The following CSMD3 variants were observed in gnomAD, a reference collection of about 807,000 sequenced individuals.
The protein encoded by CSMD3 is CUB and sushi domain-containing protein 3.
CSMD3 carries 177 observed loss-of-function variants against 435.2 expected under a neutral mutation model. The ratio of observed to expected loss-of-function variants is 0.41; its 90% CI spans 0.36 to 0.46. The LOEUF (loss-of-function observed/expected upper bound fraction) is 0.46, where lower values mean the gene tolerates loss of function less well. Ranked by LOEUF, CSMD3 falls within the 20% of genes least tolerant of loss-of-function variation. The pLI, the probability that CSMD3 is intolerant of heterozygous loss-of-function variation, is 0.34. For synonymous variants in CSMD3, 1,656 were observed against 1,520.5 expected (o/e 1.09, Z -2.07); for missense variants, 4,265 against 4,504.6 (o/e 0.95, Z 1.52).
intron 14 of CSMD3, among the ~76,000 whole-genome samples, chr8:112,688,085 C>T (rs2076051334): frequency 6.6e-6 from 1 of 152,136 alleles, no homozygotes. Flanking sequence ...AGCTGGAAGG[C>T]AGCCATGCAC....
chr8:112,870,693 A>G (rs747925863), intron 10 of CSMD3, among the ~76,000 whole-genome samples: 7 of 152,214 alleles, frequency 4.6e-5, no homozygotes, highest in Non-Finnish European at 1.0e-4. Flanking sequence ...GATAGTTTTT[A>G]TTCTGAAAAA....
chr8:112,787,559 G>A (rs1242513446), intron 13 of CSMD3, among the ~76,000 whole-genome samples: 1 of 152,050 alleles, frequency 6.6e-6, no homozygotes, highest in Non-Finnish European at 1.5e-5. Context: ...ACAGATGAAG[G>A]GATAAAAAAA....
At chr8:112,619,870 A>C (rs1197952832) in intron 22 of CSMD3, among the ~76,000 whole-genome samples, 1 of 152,154 alleles carries the variant, frequency 6.6e-6, no homozygotes, top group African/African-American at 2.4e-5. Flanking sequence ...TAATAGTGAG[A>C]CATTAAGATA....
chr8:112,346,347 C>G, intron 40 of CSMD3, 134 bp from the exon 41 acceptor site: 1 of 703,070 alleles, frequency 1.4e-6, no homozygotes, highest in Admixed American at 2.0e-5. Flanking sequence ...TGTCTGTTCA[C>G]TCACTATACA....
At chr8:112,911,575 A>T (rs949288653) in intron 10 of CSMD3, among the ~76,000 whole-genome samples, 5 of 151,512 alleles carry the variant, frequency 3.3e-5, no homozygotes, top group African/African-American at 1.2e-4. Context: ...GTTGTCACAT[A>T]TAATAACATT....
At chr8:112,357,386 A>G (rs1826720221) in intron 38 of CSMD3, among the ~76,000 whole-genome samples, 1 of 152,228 alleles carries the variant, frequency 6.6e-6, no homozygotes, top group Non-Finnish European at 1.5e-5. Context: ...TTATAAGGGA[A>G]GCAGAGTATA....
At chr8:112,774,284 T>C (rs1587252006) in intron 13 of CSMD3, among the ~76,000 whole-genome samples, 1 of 151,988 alleles carries the variant, frequency 6.6e-6, no homozygotes, top group East Asian at 1.9e-4. Context: ...TCTATCAAAA[T>C]TTATATTTCA....
intron 3 of CSMD3, among the ~76,000 whole-genome samples, chr8:113,211,459 C>G (rs1189319068): frequency 6.6e-6 from 1 of 151,982 alleles, no homozygotes; most frequent in Non-Finnish European, 1.5e-5. Context: ...AAGCACCCAA[C>G]AAAATGGATC....
In CSMD3 at chr8:112,772,994, G is replaced by A. The variant is rs150577909; in HGVS notation, c.1972+27168C>T. On this transcript the variant is annotated intron_variant, in intron 13 of 70. Coordinates refer to ENST00000297405, the MANE Select transcript of CSMD3 (RefSeq NM_198123.2). ...TAAATACTAAGGGAACTCAGAGGCC[G>A]GTCCCAGCACAGGTCCTCCACATGC... Among the ~76,000 whole-genome samples, 1,379 of 151,988 alleles carry A rather than the reference G, an allele frequency of 9.1e-3. 18 individuals are homozygous for A. The highest frequency in any genetic ancestry group is 0.031 in the African/African-American group (1,300 of 41,466).
chr8:112,373,844 G>A (rs1828687299), intron 38 of CSMD3, among the ~76,000 whole-genome samples: 2 of 152,068 alleles, frequency 1.3e-5, no homozygotes, highest in African/African-American at 4.8e-5. Flanking sequence ...GGAGTTTCTG[G>A]GAGTAATAGT....
At chr8:113,404,873 G>A (rs752555689) in intron 1 of CSMD3, among the ~76,000 whole-genome samples, 1 of 151,408 alleles carries the variant, frequency 6.6e-6, no homozygotes, top group African/African-American at 2.4e-5. Context: ...GAAACAAAGT[G>A]ACACTTGTTT....
intron 3 of CSMD3, among the ~76,000 whole-genome samples, chr8:113,257,420 T>C (rs1471948020): frequency 6.6e-6 from 1 of 151,784 alleles, no homozygotes; most frequent in African/African-American, 2.4e-5. Context: ...CAAAAACAAA[T>C]AAATAAATAA....
chr8:113,097,221 A>T (rs2090191374), intron 5 of CSMD3, among the ~76,000 whole-genome samples: 1 of 152,096 alleles, frequency 6.6e-6, no homozygotes, highest in Non-Finnish European at 1.5e-5. Flanking sequence ...GGAGAGTTGG[A>T]TTAGATGCTC....
chr8:113,260,469 G>A (rs1333347850), intron 3 of CSMD3, among the ~76,000 whole-genome samples: 2 of 152,192 alleles, frequency 1.3e-5, no homozygotes, highest in South Asian at 2.1e-4. Flanking sequence ...TGTGGAAATT[G>A]AGGCTCTGGG....
chr8:112,312,086 T>C (rs1325781249), intron 49 of CSMD3, among the ~76,000 whole-genome samples: 2 of 152,214 alleles, frequency 1.3e-5, no homozygotes, highest in Non-Finnish European at 2.9e-5. Flanking sequence ...TTGTTTAATT[T>C]GAATAGTTTC....
intron 22 of CSMD3, among the ~76,000 whole-genome samples, chr8:112,610,382 GA>G (rs1195017212): frequency 7.9e-5 from 12 of 151,152 alleles, no homozygotes; most frequent in African/African-American, 2.9e-4. Context: ...AAAAGTACAG[GA>G]ATGTATTGAT....
intron 35 of CSMD3, among the ~76,000 whole-genome samples, chr8:112,405,213 C>CATATGTATATATATA (rs1439544983): frequency 5.6e-5 from 1 of 17,888 alleles, no homozygotes; most frequent in Non-Finnish European, 9.2e-5. Flanking sequence ...AAAAAAACCC[C>CATATGTATATATATA]CATATATATA....
Position 113,259,444 on chromosome 8 carries a change from T to C in CSMD3, c.514+19148A>G, listed in dbSNP as rs920010952. ...CCAATCCCTTCAGAAGCTTGAACAA[T>C]AAGAATTTATTTTGAATGACTCTGA... On this transcript the variant is annotated intron_variant, in intron 3 of 70. Coordinates refer to ENST00000297405, the MANE Select transcript of CSMD3 (RefSeq NM_198123.2). Among the ~76,000 whole-genome samples, 4 of 152,214 alleles carry C rather than the reference T, an allele frequency of 2.6e-5. No individual in the cohort carries two copies. In the East Asian group the frequency reaches 7.7e-4, roughly 29 times the overall value.
In CSMD3 at chr8:112,575,187, C is replaced by T. The variant is rs1281884718; in HGVS notation, c.3886-1530G>A. The stretch of plus-strand genomic sequence containing the variant: ...TAAGGTTATGCCAAATTTTTTTCCA[C>T]GGCTCCTAAATGTTCTCTTCTAACC... On this transcript the variant is annotated intron_variant, in intron 23 of 70. Transcript: ENST00000297405. 2.6e-5 allele frequency among the ~76,000 whole-genome samples: 4 copies of T among 151,992 alleles called. No individual in the cohort carries two copies. The East Asian group carries it at 5.8e-4, about 22-fold the overall frequency.
Sources: allele counts gnomAD v4.1 joint callset (sites outside exome capture counted in the v4.1 genomes callset), GRCh38; gene constraint gnomAD v4.1.1; transcripts MANE v1.5; gene names NCBI Gene and HGNC (gene_info 2026-07-23, HGNC 2026-07-21).